ZFP90: variants seen among roughly 807,000 people sequenced by gnomAD.
ZFP90 encodes zinc finger protein 90 homolog.
A neutral mutation model predicts 60.8 loss-of-function variants in ZFP90; 38 were observed. The ratio of observed to expected loss-of-function variants is 0.62; its 90% CI spans 0.48 to 0.82. ZFP90 has a LOEUF of 0.82. Ranked by LOEUF, ZFP90 falls within the 40% of genes least tolerant of loss-of-function variation. The probability of loss-of-function intolerance (pLI) is 0.00; values close to 1 mark genes in which losing one functional copy is unlikely to be tolerated. For missense variants in ZFP90, 711 were observed against 759.1 expected, an observed-to-expected ratio of 0.94 and a Z score of 0.74; for synonymous variants, 287 against 264.8, an observed-to-expected ratio of 1.08 and a Z score of -0.82.
upstream of ZFP90, among the ~76,000 whole-genome samples, chr16:68,537,194 T>C (rs1269965988): frequency 6.6e-6 from 1 of 151,858 alleles, no homozygotes; most frequent in Non-Finnish European, 1.5e-5. Context: ...GGTGCAATCT[T>C]GGCTCACTGC....
chr16:68,554,107 T>C (rs1405892021), intron 2 of ZFP90, among the ~76,000 whole-genome samples: 1 of 134,774 alleles, frequency 7.4e-6, no homozygotes, highest in Non-Finnish European at 1.6e-5. Context: ...GAAGGGTTTA[T>C]GGGTTGTGTT....
chr16:68,568,054 TC>T (rs1567415960), downstream of ZFP90, among the ~76,000 whole-genome samples: 1 of 152,244 alleles, frequency 6.6e-6, no homozygotes, highest in Non-Finnish European at 1.5e-5. Context: ...TACATTGGTC[TC>T]CCTTTTAAAA....
chr16:68,544,838 T>C (rs548181288), intron 2 of ZFP90, among the ~76,000 whole-genome samples: 1 of 150,090 alleles, frequency 6.7e-6, no homozygotes, highest in Admixed American at 6.7e-5. Flanking sequence ...ACCGCTCCTG[T>C]GTGTGCCCAT....
chr16:68,537,992 A>C (rs1320333031), upstream of ZFP90, among the ~76,000 whole-genome samples: 1 of 151,938 alleles, frequency 6.6e-6, no homozygotes. Context: ...GGCTCACCAC[A>C]ACCTCTGCCT....
upstream of ZFP90, among the ~76,000 whole-genome samples, chr16:68,538,451 G>T (rs545439039): frequency 1.4e-4 from 22 of 152,032 alleles, no homozygotes; most frequent in Non-Finnish European, 2.8e-4. Context: ...GGCCGGGCGC[G>T]GTTGCCCATG....
upstream of ZFP90, among the ~76,000 whole-genome samples, chr16:68,537,283 A>T: frequency 6.6e-6 from 1 of 151,784 alleles, no homozygotes; most frequent in South Asian, 2.1e-4. Context: ...ACGCCACCAC[A>T]CCCTGCTAAT....
intron 1 of ZFP90, 108 bp downstream of exon 1, chr16:68,539,587 G>A: frequency 3.5e-6 from 2 of 564,560 alleles, no homozygotes; most frequent in Non-Finnish European, 3.0e-6. Flanking sequence ...GTGTCCGGGA[G>A]GCCGCTGAGC....
intron 2 of ZFP90, 65 bp downstream of exon 2, chr16:68,539,890 G>A: frequency 2.6e-6 from 4 of 1,562,196 alleles, no homozygotes; most frequent in Admixed American, 1.8e-5. Context: ...TCCCAAGGGT[G>A]TTTGGAGCAG....
At chr16:68,540,067 G>T (rs2091012920) in intron 2 of ZFP90, among the ~76,000 whole-genome samples, 1 of 152,212 alleles carries the variant, frequency 6.6e-6, no homozygotes, top group African/African-American at 2.4e-5. Flanking sequence ...GAGATTGGAT[G>T]CGTTGGGAAG....
At chr16:68,538,731 CATT>C (rs539500443), upstream of ZFP90, among the ~76,000 whole-genome samples, 5 of 151,770 alleles carry the variant, frequency 3.3e-5, no homozygotes, top group South Asian at 2.1e-4. Flanking sequence ...AAATTTCCAT[CATT>C]GTTTGCTTGT....
chr16:68,534,698 G>A (rs975651261), upstream of ZFP90, among the ~76,000 whole-genome samples: 1 of 151,416 alleles, frequency 6.6e-6, no homozygotes, highest in Non-Finnish European at 1.5e-5. Context: ...GAGGTCAGGA[G>A]ATCGAGACCA....
At chr16:68,562,577 C>T (rs2091454799) in intron 4 of ZFP90, 1 of 178,792 alleles carries the variant, frequency 5.6e-6, no homozygotes, top group Non-Finnish European at 1.2e-5. Context: ...ATAATCTTTT[C>T]AGTTGTATCA....
At chr16:68,572,495 C>G (rs1473632033) in intron 2 of ZFP90, among the ~76,000 whole-genome samples, 2 of 152,158 alleles carry the variant, frequency 1.3e-5, no homozygotes, top group Non-Finnish European at 2.9e-5. Flanking sequence ...GTCACAGAGA[C>G]TGGACACATG....
chr16:68,556,994 T>C (rs939701138), intron 2 of ZFP90, among the ~76,000 whole-genome samples: 1 of 152,172 alleles, frequency 6.6e-6, no homozygotes, highest in African/African-American at 2.4e-5. Flanking sequence ...AATTGCATTT[T>C]ACTCTCTTTT....
chr16:68,560,041 A>G (rs1459709524), intron 4 of ZFP90, among the ~76,000 whole-genome samples: 1 of 152,146 alleles, frequency 6.6e-6, no homozygotes, highest in Admixed American at 6.5e-5. Flanking sequence ...TCCCAGATTT[A>G]GATTGCTATA....
intron 2 of ZFP90, among the ~76,000 whole-genome samples, chr16:68,541,533 A>G (rs750345367): frequency 7.9e-5 from 12 of 151,398 alleles, no homozygotes; most frequent in Admixed American, 1.3e-4. Flanking sequence ...GTTGGCCAGG[A>G]TGGTCTCGAT....
chr16:68,539,803 G>A lies in ZFP90; in HGVS notation c.11G>A (p.Arg4Lys). ...CCTGGCGAGGCAGGAATGGCCCCGAGGCCTCCGACCGCCGCGCCCCAGGTG... is the reference window on the plus strand; with the variant it reads ...CCTGGCGAGGCAGGAATGGCCCCGAAGCCTCCGACCGCCGCGCCCCAGGTG... MAP[R>K]PPTAAPQESV... is the part of the protein sequence containing the mutation. Residue 4 changes from arginine (R) to lysine (K), a missense_variant, in exon 2 of 5, where the codon AGG becomes AAG. Arg to Lys is a conservative substitution (Grantham distance 26, BLOSUM62 2). Coordinates refer to ENST00000563169, the MANE Select transcript of ZFP90 (RefSeq NM_001305203.2). 6.2e-7 allele frequency: 1 copy of A among 1,604,136 alleles called. No individual in the cohort carries two copies. The highest frequency in any genetic ancestry group is 8.5e-7 in the Non-Finnish European group (1 of 1,176,978).
At chr16:68,568,071 C>T (rs921369510), downstream of ZFP90, among the ~76,000 whole-genome samples, 2 of 152,182 alleles carry the variant, frequency 1.3e-5, no homozygotes, top group Non-Finnish European at 2.9e-5. Context: ...TAAAAATTTT[C>T]ATGGATTACT....
At chr16:68,569,726 C>T (rs2091557146), downstream of ZFP90, among the ~76,000 whole-genome samples, 1 of 151,820 alleles carries the variant, frequency 6.6e-6, no homozygotes, top group African/African-American at 2.4e-5. Context: ...CATGGCAAAA[C>T]TCTGTTTCTA....
Sources: allele counts gnomAD v4.1 joint callset (sites outside exome capture counted in the v4.1 genomes callset), GRCh38; gene constraint gnomAD v4.1.1; transcripts MANE v1.5; gene names NCBI Gene and HGNC (gene_info 2026-07-23, HGNC 2026-07-21).